The following SLC6A7 variants were observed in gnomAD, a reference collection of about 807,000 sequenced individuals.
SLC6A7 encodes sodium-dependent proline transporter.
In SLC6A7, 58 loss-of-function variants were observed where a neutral mutation model predicts 73.1. That is an observed-to-expected ratio of 0.79 (90% CI 0.64 to 0.99). SLC6A7 has a LOEUF of 0.99. Ranked by LOEUF, SLC6A7 falls within the 50% of genes least tolerant of loss-of-function variation. The pLI is 0.00. For synonymous variants in SLC6A7, 338 were observed against 338.7 expected (o/e 1.00, Z 0.02); for missense variants, 783 against 831.4 (o/e 0.94, Z 0.72).
chr5:150,202,501 G>A (rs532722049), intron 7 of SLC6A7, 51 bp downstream of exon 7: 1 of 1,610,896 alleles, frequency 6.2e-7, no homozygotes, highest in Admixed American at 1.7e-5. Context: ...AGGGAGGAGA[G>A]TGGCTGGCCA....
intron 5 of SLC6A7, 52 bp from the exon 6 acceptor site, chr5:150,201,037 G>A (rs1367382765): frequency 2.5e-6 from 4 of 1,600,152 alleles, no homozygotes; most frequent in Admixed American, 1.7e-5. Context: ...ACAAGGAATG[G>A]CACTGAGTCA....
chr5:150,201,041 T>C, intron 5 of SLC6A7, 48 bp from the exon 6 acceptor site: 1 of 1,605,672 alleles, frequency 6.2e-7, no homozygotes. Flanking sequence ...GGAATGGCAC[T>C]GAGTCAAGGT....
At chr5:150,203,822 T>TG (rs780309671) in intron 9 of SLC6A7, 43 bp downstream of exon 9, 4 of 535,258 alleles carry the variant, frequency 7.5e-6, no homozygotes, top group Middle Eastern at 3.6e-4. Context: ...GTGTGTGTGG[T>TG]GTGTGTGTGT....
chr5:150,204,000 G>C lies in SLC6A7; in HGVS notation c.1294G>C (p.Val432Leu), dbSNP rs139016893. ...KKAVFSGLIC[V>L]AMYLMGLILT... ...GGCGGTGTTCTCAGGGCTCATCTGC[G>C]TGGCCATGTACCTGATGGGGCTGAT... Residue 432 changes from valine to leucine, a missense_variant, in exon 10 of 14, where the codon GTG (valine) becomes CTG (leucine). Coordinates refer to ENST00000230671, the MANE Select transcript of SLC6A7 (RefSeq NM_014228.5). 1 of 1,613,634 alleles carries C rather than the reference G, an allele frequency of 6.2e-7. No homozygotes were observed. The highest frequency in any genetic ancestry group is 2.2e-5 in the East Asian group (1 of 44,860).
intron 2 of SLC6A7, 90 bp downstream of exon 2, chr5:150,195,001 T>A: frequency 8.7e-7 from 1 of 1,145,624 alleles, no homozygotes; most frequent in South Asian, 1.4e-5. Context: ...TCAGCCACTG[T>A]CTCCTAGGCG....
At chr5:150,191,196 G>A (rs762677375) in intron 1 of SLC6A7, among the ~76,000 whole-genome samples, 12 of 152,192 alleles carry the variant, frequency 7.9e-5, no homozygotes, top group Non-Finnish European at 1.8e-4. Flanking sequence ...AACCTCCTCT[G>A]GCTAAGCCCT....
chr5:150,204,657 T>C (rs1266681703), intron 11 of SLC6A7, 26 bp downstream of exon 11: 1 of 1,547,360 alleles, frequency 6.5e-7, no homozygotes, highest in African/African-American at 1.4e-5. Context: ...GGAAGTGGAG[T>C]CGAGCTCTCC....
chr5:150,194,857 G>A lies in SLC6A7; in HGVS notation c.163G>A (p.Val55Ile), dbSNP rs371227337. 6.2e-7 allele frequency: 1 copy of A among 1,614,216 alleles called. No homozygotes were observed. The highest frequency in any genetic ancestry group is 8.5e-7 in the Non-Finnish European group (1 of 1,180,030). The change falls in exon 2 of 14, where the codon GTA (valine) becomes ATA (isoleucine). Residue 55 changes from valine (V) to isoleucine (I), a missense_variant. Val to Ile is a conservative substitution (Grantham distance 29). Coordinates refer to ENST00000230671, the MANE Select transcript of SLC6A7 (RefSeq NM_014228.5). The stretch of plus-strand genomic sequence containing the variant: ...CCTGCTGTCCTGCATTGGCTACTGT[G>A]TAGGCCTGGGGAATGTCTGGCGCTT... ...DFLLSCIGYC[V>I]GLGNVWRFPY...
chr5:150,205,494 G>T lies in SLC6A7; in HGVS notation c.1572G>T (p.Ser524=), dbSNP rs756381432. Residue 524 remains serine (S), a synonymous_variant, in exon 13 of 14, where the codon TCG becomes TCT. Coordinates refer to ENST00000230671, the MANE Select transcript of SLC6A7 (RefSeq NM_014228.5). ...ATAGCATCGTCAAGTACCAGCCCTC[G>T]GAGTATGGCAGTTACCGCTTCCCGC... The part of the protein sequence containing the change: ...MVYSIVKYQP[S]EYGSYRFPPW... 6 of 1,612,802 alleles carry T rather than the reference G, an allele frequency of 3.7e-6. No individual in the cohort carries two copies. In the Admixed American group the frequency reaches 8.3e-5, roughly 22 times the overall value.
In SLC6A7 at chr5:150,194,763, C is replaced by T; in HGVS notation, c.69C>T (p.Asp23=). 2 of 1,614,078 alleles carry T rather than the reference C, an allele frequency of 1.2e-6. No homozygotes were observed. The highest frequency in any genetic ancestry group is 1.7e-6 in the Non-Finnish European group (2 of 1,179,986). The change falls in exon 2 of 14, where the codon GAC becomes GAT. Residue 23 remains aspartate, a synonymous_variant. Coordinates refer to ENST00000230671, the MANE Select transcript of SLC6A7 (RefSeq NM_014228.5). The part of the protein sequence containing the change: ...VTPDLLMTPS[D]QGDVDLDVDF... ...CAGACCTGCTGATGACCCCCAGTGA[C>T]CAGGGCGATGTCGACCTGGATGTGG...
At position 150,202,630 on chromosome 5, in the gene SLC6A7, C is replaced by T. The variant is rs750019989; in HGVS notation, c.1014C>T (p.Gly338=). 5 of 1,614,116 alleles carry T rather than the reference C, an allele frequency of 3.1e-6. No individual in the cohort carries two copies. Among genetic ancestry groups the T allele is most frequent in the Non-Finnish European group, 4.2e-6 (5 of 1,180,038 alleles). The change falls in exon 8 of 14, where the codon GGC becomes GGT. Residue 338 remains glycine (G), a synonymous_variant. Coordinates refer to ENST00000230671, the MANE Select transcript of SLC6A7 (RefSeq NM_014228.5). ...LGNAITSILA[G]FAIFSVLGYM... ...ACGCCATCACCAGCATCCTGGCTGG[C>T]TTTGCCATCTTCTCCGTGCTGGGCT...
At chr5:150,198,117 G>GAAAGAAAGAAAGAAAGAAGGAAAGAA (rs1753167691) in intron 4 of SLC6A7, among the ~76,000 whole-genome samples, 1 of 57,562 alleles carries the variant, frequency 1.7e-5, no homozygotes, top group Non-Finnish European at 6.1e-5. Context: ...GAAAGAAAGA[G>GAAAGAAAGAAAGAAAGAAGGAAAGAA]AAAGAAAGAA....
intron 5 of SLC6A7, among the ~76,000 whole-genome samples, chr5:150,200,380 C>A (rs188419231): frequency 3.5e-4 from 53 of 152,284 alleles, no homozygotes; most frequent in African/African-American, 1.2e-3. Flanking sequence ...GTAATCCCAG[C>A]TACTCGGGAG....
chr5:150,198,505 AG>A (rs1232873498), intron 4 of SLC6A7, among the ~76,000 whole-genome samples: 19 of 152,304 alleles, frequency 1.2e-4, no homozygotes, highest in East Asian at 1.9e-4. Context: ...TTAAAGCCAA[AG>A]GATTTGATAC....
Position 150,197,174 on chromosome 5 carries a change from G to A in SLC6A7, c.482G>A (p.Trp161Ter). ...DLPWEHCGNW[W>*]NTELCLEHRV... Reference sequence around the variant, plus strand: ...CCCTGGGAGCACTGTGGCAACTGGTGGAACACAGAACTCTGCCTGGAGCAC... The same window carrying A: ...CCCTGGGAGCACTGTGGCAACTGGTAGAACACAGAACTCTGCCTGGAGCAC... Residue 161 changes from tryptophan to a stop codon, truncating the protein, a stop_gained, in exon 4 of 14, where the codon TGG (tryptophan) becomes TAG (stop). Transcript: ENST00000230671. LOFTEE classifies it high-confidence loss of function. 6.2e-7 allele frequency: 1 copy of A among 1,614,106 alleles called. No homozygotes were observed.
At chr5:150,192,496 C>A (rs889268507) in intron 1 of SLC6A7, among the ~76,000 whole-genome samples, 1 of 152,210 alleles carries the variant, frequency 6.6e-6, no homozygotes, top group Admixed American at 6.5e-5. Context: ...CAGCTTCCAG[C>A]CCTGCCCCAG....
Position 150,202,471 on chromosome 5 carries a change from C to G in SLC6A7, c.962+21C>G, listed in dbSNP as rs1753432811. The G allele has an allele frequency of 3.1e-6, 5 of 1,611,728 alleles. No homozygotes were observed. The Admixed American group carries it at 8.3e-5, about 27-fold the overall frequency. On this transcript the variant is annotated intron_variant, in intron 7 of 13. Coordinates refer to ENST00000230671, the MANE Select transcript of SLC6A7 (RefSeq NM_014228.5). ...TATAGGTCAGTGTCCCACAGCCTCCCAGACCCTGGGGTCCAAAGCAGGGAG... is the reference window on the plus strand; with the variant it reads ...TATAGGTCAGTGTCCCACAGCCTCCGAGACCCTGGGGTCCAAAGCAGGGAG...
chr5:150,206,105 G>C (rs1037991352), intron 13 of SLC6A7, among the ~76,000 whole-genome samples: 1 of 152,210 alleles, frequency 6.6e-6, no homozygotes, highest in Non-Finnish European at 1.5e-5. Context: ...CAGAGAGAGT[G>C]CACTCTGCCA....
rs1283324833 is a variant in SLC6A7, at chr5:150,209,980, G to C, written c.*365G>C. 6.5e-6 allele frequency: 2 copies of C among 306,186 alleles called. No individual in the cohort carries two copies. The highest frequency in any genetic ancestry group is 7.4e-5 in the South Asian group (2 of 27,050). 19.0% of individuals were successfully genotyped at this position (306,186 alleles called of 1,614,324 possible). On this transcript the variant is annotated 3_prime_UTR_variant, in exon 14 of 14. Coordinates refer to ENST00000230671, the MANE Select transcript of SLC6A7 (RefSeq NM_014228.5). ...CAGCTCCCTTTCCCATGGGGCAGCC[G>C]GCACCACCTTCTCATCTCTATTCAG... is the stretch of plus-strand genomic sequence containing the variant.
Sources: allele counts gnomAD v4.1 joint callset (sites outside exome capture counted in the v4.1 genomes callset), GRCh38; gene constraint gnomAD v4.1.1; transcripts MANE v1.5; gene names NCBI Gene and HGNC (gene_info 2026-07-23, HGNC 2026-07-21).